The following HNRNPA1L3 variants were observed in gnomAD, a reference collection of about 807,000 sequenced individuals.
HNRNPA1L3 encodes heterogeneous nuclear ribonucleoprotein A1-like 3.
At chr16:51,646,946 G>A in the HNRNPA1L3 span, 17 of 714,700 alleles carry the variant, frequency 2.4e-5, no homozygotes, top group African/African-American at 7.0e-5. Context: ...AAAAACTCGA[G>A]GACTGTATTT....
At chr16:51,645,864 T>C in the HNRNPA1L3 span, 5 of 1,606,748 alleles carry the variant, frequency 3.1e-6, no homozygotes, top group Admixed American at 5.0e-5. Context: ...CTGAGGAAGC[T>C]CTTCATTGGA....
chr16:51,646,530 G>T, the HNRNPA1L3 span: 5 of 1,597,610 alleles, frequency 3.1e-6, no homozygotes, highest in South Asian at 5.5e-5. Context: ...GGTGGATATG[G>T]TGGCAGTGGG....
chr16:51,646,583 G>C, the HNRNPA1L3 span: 7 of 1,580,386 alleles, frequency 4.4e-6, no homozygotes, highest in Non-Finnish European at 6.0e-6. Context: ...CAATTTTGGA[G>C]GTGGTGGAAG....
chr16:51,646,444 T>C, the HNRNPA1L3 span: 1 of 1,590,584 alleles, frequency 6.3e-7, no homozygotes, highest in African/African-American at 1.3e-5. Context: ...GTGGAGGTGG[T>C]TTCGGTGGGA....
the HNRNPA1L3 span, chr16:51,646,853 T>C: frequency 2.0e-4 from 241 of 1,235,234 alleles, 2 homozygotes; most frequent in Admixed American, 1.1e-3. Flanking sequence ...AACAGATTTG[T>C]GAACTCAGCC....
At chr16:51,646,677 G>T in the HNRNPA1L3 span, 4 of 1,598,520 alleles carry the variant, frequency 2.5e-6, no homozygotes, top group South Asian at 3.3e-5. Context: ...AGAAGCTCTG[G>T]CCCCCATGGC....
the HNRNPA1L3 span, chr16:51,646,099 T>C: frequency 1.9e-6 from 3 of 1,596,034 alleles, no homozygotes; most frequent in Admixed American, 5.0e-5. Context: ...CCAGAGAAGA[T>C]TCTCAAAGAC....
chr16:51,646,425 G>A, the HNRNPA1L3 span: 10 of 1,573,882 alleles, frequency 6.4e-6, no homozygotes, highest in African/African-American at 2.7e-5. Flanking sequence ...GGAAACTTTG[G>A]TGGTGGTCGT....
the HNRNPA1L3 span, chr16:51,646,692 G>C: frequency 1.9e-6 from 3 of 1,598,734 alleles, no homozygotes; most frequent in East Asian, 6.7e-5. Context: ...CATGGCGGTG[G>C]AGGCCAATAC....
chr16:51,646,137 T>C, the HNRNPA1L3 span: 1 of 1,595,024 alleles, frequency 6.3e-7, no homozygotes, highest in East Asian at 2.2e-5. Context: ...GTGAAAAAGA[T>C]ATTTGTTGGT....
the HNRNPA1L3 span, chr16:51,646,694 G>A: frequency 5.6e-6 from 9 of 1,598,756 alleles, no homozygotes; most frequent in Non-Finnish European, 7.6e-6. Flanking sequence ...TGGCGGTGGA[G>A]GCCAATACTT....
At chr16:51,646,146 G>T in the HNRNPA1L3 span, 2 of 1,594,340 alleles carry the variant, frequency 1.3e-6, no homozygotes, top group African/African-American at 2.7e-5. Flanking sequence ...ATATTTGTTG[G>T]TGGCATTAAA....
the HNRNPA1L3 span, chr16:51,646,415 G>A: frequency 3.2e-6 from 5 of 1,568,142 alleles, no homozygotes; most frequent in Non-Finnish European, 4.3e-6. Context: ...AAGTGGTTCT[G>A]GAAACTTTGG....
chr16:51,646,241 A>C, the HNRNPA1L3 span: 1 of 1,596,738 alleles, frequency 6.3e-7, no homozygotes, highest in East Asian at 2.2e-5. Context: ...TGACAGAGGC[A>C]GTGGCAAGAA....
chr16:51,646,191 T>G, the HNRNPA1L3 span: 3 of 1,593,176 alleles, frequency 1.9e-6, no homozygotes, highest in Admixed American at 3.3e-5. Flanking sequence ...AGAGATTATT[T>G]TGAACAGTAT....
chr16:51,646,228 G>C, the HNRNPA1L3 span: 1 of 1,596,624 alleles, frequency 6.3e-7, no homozygotes, highest in Non-Finnish European at 8.5e-7. Flanking sequence ...TTGAAATCAT[G>C]ACTGACAGAG....
At chr16:51,646,256 G>C in the HNRNPA1L3 span, 1 of 1,596,618 alleles carries the variant, frequency 6.3e-7, no homozygotes, top group Non-Finnish European at 8.5e-7. Flanking sequence ...CAAGAAAAGG[G>C]GCTTTGCCTT....
the HNRNPA1L3 span, chr16:51,646,861 G>C: frequency 9.3e-7 from 1 of 1,078,678 alleles, no homozygotes; most frequent in African/African-American, 1.5e-5. Flanking sequence ...TGTGAACTCA[G>C]CCAAGCACAG....
the HNRNPA1L3 span, chr16:51,646,837 G>A: frequency 1.2e-5 from 17 of 1,418,798 alleles, 1 homozygote; most frequent in South Asian, 2.0e-4. Flanking sequence ...GGAAGCTACA[G>A]GTTACAACAG....
Sources: allele counts gnomAD v4.1 joint callset, GRCh38; gene constraint gnomAD v4.1.1; transcripts MANE v1.5; gene names NCBI Gene and HGNC (gene_info 2026-07-23, HGNC 2026-07-21).